KCNIP3: variants seen among roughly 807,000 people sequenced by gnomAD.
The protein encoded by KCNIP3 is potassium voltage-gated channel interacting protein 3.
Under a neutral mutation model 35.0 loss-of-function variants are expected in KCNIP3, and 28 were observed. That is an observed-to-expected ratio of 0.80 (90% CI 0.59 to 1.10). KCNIP3 has a LOEUF of 1.10. KCNIP3 is among the 50% of genes least tolerant of loss of function. The pLI is 0.00. For missense variants in KCNIP3, 295 were observed against 338.4 expected (o/e 0.87, Z 1.01); for synonymous variants, 134 against 133.8 (o/e 1.00, Z -0.01).
At chr2:95,351,411 G>A (rs540788493) in intron 2 of KCNIP3, among the ~76,000 whole-genome samples, 5 of 152,230 alleles carry the variant, frequency 3.3e-5, no homozygotes, top group African/African-American at 7.2e-5. Context: ...GGGGGAAGTC[G>A]CCAGTTCCAG....
At chr2:95,341,486 T>C (rs538037874) in intron 2 of KCNIP3, among the ~76,000 whole-genome samples, 2 of 152,330 alleles carry the variant, frequency 1.3e-5, no homozygotes, top group Non-Finnish European at 2.9e-5. Flanking sequence ...CTGGGCTCCC[T>C]TGGTGTCATT....
intron 2 of KCNIP3, chr2:95,313,463 C>T (rs1304066687): frequency 3.9e-5 from 6 of 152,434 alleles, no homozygotes; most frequent in African/African-American, 1.4e-4. Context: ...CCACCCTACC[C>T]AGGAGAGGCG....
intron 2 of KCNIP3, among the ~76,000 whole-genome samples, chr2:95,355,780 A>G (rs983386177): frequency 6.6e-6 from 1 of 152,152 alleles, no homozygotes; most frequent in Non-Finnish European, 1.5e-5. Context: ...AGTCTTTGCT[A>G]TTGTGAATAG....
intron 3 of KCNIP3, among the ~76,000 whole-genome samples, 183 bp downstream of exon 3, chr2:95,374,603 C>T (rs1573519888): frequency 6.6e-6 from 1 of 152,208 alleles, no homozygotes; most frequent in South Asian, 2.1e-4. Flanking sequence ...CTCCTCCCTC[C>T]GTGTCTTTGC....
chr2:95,355,974 C>T (rs1017720762), intron 2 of KCNIP3, among the ~76,000 whole-genome samples: 2 of 152,172 alleles, frequency 1.3e-5, no homozygotes, highest in African/African-American at 2.4e-5. Flanking sequence ...AGTGTAAAGG[C>T]GTTCCTATTT....
rs1036730301 is a variant in KCNIP3 at position 95,321,177 on chromosome 2, C to T, written c.181+10657C>T. On this transcript the variant is annotated intron_variant, in intron 2 of 8. Transcript: ENST00000295225. ...TCCCCGGCACCCCCAGCCTTCCCTA[C>T]GCCACCCTCTGTGGATGAAGGGGTG... 5.3e-5 allele frequency among the ~76,000 whole-genome samples: 8 copies of T among 152,120 alleles called. No individual in the cohort carries two copies. The East Asian group carries it at 7.7e-4, about 15-fold the overall frequency.
At chr2:95,342,004 T>C (rs1679206001) in intron 2 of KCNIP3, among the ~76,000 whole-genome samples, 2 of 151,828 alleles carry the variant, frequency 1.3e-5, no homozygotes, top group African/African-American at 4.8e-5. Flanking sequence ...TCTGCGGAAG[T>C]GACATTAGAG....
At chr2:95,300,901 C>G (rs1303441883) in intron 1 of KCNIP3, among the ~76,000 whole-genome samples, 1 of 152,188 alleles carries the variant, frequency 6.6e-6, no homozygotes, top group Non-Finnish European at 1.5e-5. Context: ...CTGGGCCAGG[C>G]TCAGCCAGGA....
At chr2:95,318,673 C>T (rs1328664726) in intron 2 of KCNIP3, among the ~76,000 whole-genome samples, 18 of 152,316 alleles carry the variant, frequency 1.2e-4, no homozygotes, top group Non-Finnish European at 1.5e-4. Context: ...ACGAAGCAGG[C>T]ACAGGGGTGG....
intron 2 of KCNIP3, among the ~76,000 whole-genome samples, chr2:95,366,445 G>T (rs1034439911): frequency 6.6e-6 from 1 of 152,144 alleles, no homozygotes; most frequent in Non-Finnish European, 1.5e-5. Context: ...CCAGTTGGAG[G>T]GCATTTGTAT....
intron 2 of KCNIP3, among the ~76,000 whole-genome samples, chr2:95,325,662 CACTCATACACAT>C (rs1261502295): frequency 6.3e-4 from 94 of 148,998 alleles, no homozygotes; most frequent in Non-Finnish European, 1.3e-4. Context: ...AATAGATACA[CACTCATACACAT>C]ACACACTCAT....
At chr2:95,342,163 C>T (rs1013261074) in intron 2 of KCNIP3, among the ~76,000 whole-genome samples, 4 of 152,034 alleles carry the variant, frequency 2.6e-5, no homozygotes, top group African/African-American at 7.2e-5. Context: ...CACAGCCACA[C>T]GAGAAAGAGA....
At chr2:95,341,215 A>G (rs1421598621) in intron 2 of KCNIP3, among the ~76,000 whole-genome samples, 1 of 152,026 alleles carries the variant, frequency 6.6e-6, no homozygotes, top group Non-Finnish European at 1.5e-5. Flanking sequence ...ATCTTGTGAG[A>G]CCTGGGTGTT....
At chr2:95,299,177 C>T (rs1247022198) in intron 1 of KCNIP3, 1 of 152,326 alleles carries the variant, frequency 6.6e-6, no homozygotes, top group Non-Finnish European at 1.5e-5. Context: ...GCTCCTGGGC[C>T]CCAGTGGGTC....
chr2:95,383,470 G>T (rs1472911847), intron 8 of KCNIP3, among the ~76,000 whole-genome samples, 176 bp downstream of exon 8: 2 of 151,906 alleles, frequency 1.3e-5, no homozygotes, highest in Non-Finnish European at 2.9e-5. Context: ...TTGCCCTCTT[G>T]TCTGAGTCTC....
chr2:95,327,700 C>T (rs964526441), intron 2 of KCNIP3, among the ~76,000 whole-genome samples: 5 of 152,192 alleles, frequency 3.3e-5, no homozygotes, highest in African/African-American at 1.2e-4. Context: ...GTCACCATCG[C>T]CCCCATCTTC....
chr2:95,363,419 C>CT (rs1186275670), intron 2 of KCNIP3, among the ~76,000 whole-genome samples: 3 of 152,170 alleles, frequency 2.0e-5, no homozygotes, highest in Non-Finnish European at 2.9e-5. Flanking sequence ...ACGTCACTCT[C>CT]TTTTTTGAGC....
At chr2:95,297,975 T>C (rs1297884275) in intron 1 of KCNIP3, among the ~76,000 whole-genome samples, 2 of 152,224 alleles carry the variant, frequency 1.3e-5, no homozygotes, top group Non-Finnish European at 2.9e-5. Flanking sequence ...CCACTTCCTC[T>C]GAAAGGGCTA....
chr2:95,374,397 T>C lies in KCNIP3; in HGVS notation c.283T>C (p.Ser95Pro). 1 of 1,614,082 alleles carries C rather than the reference T, an allele frequency of 6.2e-7. No homozygotes were observed. The highest frequency in any genetic ancestry group is 8.5e-7 in the Non-Finnish European group (1 of 1,179,974). ...CAAGTTCACCAAGAAGGAGCTGCAG[T>C]CTCTCTACAGGGGCTTTAAGAATGT... ...QTKFTKKELQ[S>P]LYRGFKNECP... is the part of the protein sequence containing the mutation. Residue 95 changes from serine (S) to proline (P), a missense_variant, in exon 3 of 9, where the codon TCT becomes CCT. Physicochemically the swap from Ser to Pro is moderately conservative, Grantham distance 74. Transcript: ENST00000295225.
Sources: gnomAD v4.1 joint callset for allele counts (sites outside exome capture counted in the v4.1 genomes callset) on GRCh38, gnomAD v4.1.1 for gene constraint, MANE v1.5 for transcripts, NCBI Gene and HGNC (gene_info 2026-07-23, HGNC 2026-07-21) for gene names.